RANBP2: variants seen among roughly 807,000 people sequenced by gnomAD.
The protein encoded by RANBP2 is E3 SUMO-protein ligase RanBP2.
RANBP2 carries 57 observed loss-of-function variants against 303.6 expected under a neutral mutation model. The ratio of observed to expected loss-of-function variants is 0.19; its 90% CI spans 0.15 to 0.23. The LOEUF is 0.23. Among genes scored for constraint, RANBP2 ranks in the 10% least tolerant of loss-of-function variants. RANBP2 has a pLI of 1.00. For synonymous variants in RANBP2, 1,167 were observed against 1,301.5 expected, an observed-to-expected ratio of 0.90 and a Z score of 2.23; for missense variants, 3,138 against 3,780.8, an observed-to-expected ratio of 0.83 and a Z score of 4.46.
At chr2:108,799,398 A>T in the RANBP2 span, among the ~76,000 whole-genome samples, 1 of 152,194 alleles carries the variant, frequency 6.6e-6, no homozygotes, top group South Asian at 2.1e-4. Context: ...ACAACCATCA[A>T]CAAGATCAAG....
intron 9 of RANBP2, among the ~76,000 whole-genome samples, chr2:108,750,560 T>TTCTTC (rs1675795915): frequency 1.1e-5 from 1 of 92,850 alleles, no homozygotes. Context: ...ACATAACCTT[T>TTCTTC]TCTTTTCTTT....
chr2:108,767,496 AG>A lies in RANBP2; in HGVS notation c.6958del (p.Val2320LeufsTer38). 1 of 1,611,924 alleles carries A rather than the reference AG, an allele frequency of 6.2e-7. No homozygotes were observed. The highest frequency in any genetic ancestry group is 8.5e-7 in the Non-Finnish European group (1 of 1,179,828). ...FEPVVPLPDLVEVSSGEENEQ... is the reference protein window; with the variant it reads ...FEPVVPLPDLXEVSSGEENEQ... ...AACCTGTTGTTCCTTTACCTGATCT[AG>A]TTGAAGTATCCAGTGGTGAGGAAAA... is the stretch of plus-strand genomic sequence containing the variant. On this transcript the variant is annotated frameshift_variant, in exon 20 of 29. Coordinates refer to ENST00000283195, the MANE Select transcript of RANBP2 (RefSeq NM_006267.5). LOFTEE classifies it high-confidence loss of function.
the RANBP2 span, among the ~76,000 whole-genome samples, chr2:109,505,453 G>T: frequency 6.6e-6 from 1 of 152,152 alleles, no homozygotes; most frequent in Non-Finnish European, 1.5e-5. Flanking sequence ...CAGGAGGATT[G>T]CTTGAGCCCA....
the RANBP2 span, among the ~76,000 whole-genome samples, chr2:109,331,679 T>C: frequency 6.6e-6 from 1 of 151,344 alleles, no homozygotes; most frequent in Non-Finnish European, 1.5e-5. Flanking sequence ...TAGAGATGTT[T>C]TTATCTATTT....
chr2:109,541,596 T>C, the RANBP2 span, among the ~76,000 whole-genome samples: 11 of 152,226 alleles, frequency 7.2e-5, no homozygotes, highest in Non-Finnish European at 1.5e-4. Flanking sequence ...ACCCATTCCT[T>C]AACTGCTTCT....
chr2:108,754,163 G>A (rs550435735), intron 15 of RANBP2, among the ~76,000 whole-genome samples, 192 bp downstream of exon 15: 1 of 152,144 alleles, frequency 6.6e-6, no homozygotes, highest in Admixed American at 6.5e-5. Context: ...TTTTAAACTT[G>A]GGAATCTAGG....
At chr2:108,794,718 G>T in the RANBP2 span, 1 of 1,602,190 alleles carries the variant, frequency 6.2e-7, no homozygotes, top group African/African-American at 1.3e-5. Context: ...ATCTGAAATT[G>T]CAGGTAAGAA....
chr2:109,596,873 A>G, the RANBP2 span, among the ~76,000 whole-genome samples: 1 of 152,234 alleles, frequency 6.6e-6, no homozygotes, highest in Non-Finnish European at 1.5e-5. Flanking sequence ...TTCCACTAGT[A>G]CTACTTGGTC....
the RANBP2 span, among the ~76,000 whole-genome samples, chr2:109,022,084 T>A: frequency 1.3e-5 from 2 of 152,224 alleles, no homozygotes; most frequent in African/African-American, 4.8e-5. Context: ...GCTTGTTATA[T>A]CTGGCAGGCA....
the RANBP2 span, chr2:108,884,727 C>T: frequency 6.6e-6 from 1 of 152,186 alleles, no homozygotes; most frequent in South Asian, 2.1e-4. Context: ...ATAGGACTCT[C>T]AAGCAGCTGC....
chr2:108,849,557 C>T, the RANBP2 span, among the ~76,000 whole-genome samples: 20 of 152,182 alleles, frequency 1.3e-4, no homozygotes, highest in African/African-American at 4.6e-4. Flanking sequence ...TCCCTGCCTT[C>T]ACTCTCTAGT....
chr2:109,738,001 T>C, the RANBP2 span, among the ~76,000 whole-genome samples: 1 of 152,078 alleles, frequency 6.6e-6, no homozygotes, highest in Non-Finnish European at 1.5e-5. Flanking sequence ...AAATGAGTAG[T>C]TTGTAAACAG....
the RANBP2 span, among the ~76,000 whole-genome samples, chr2:108,997,459 A>AAAAAAAAAAG: frequency 8.5e-3 from 1,109 of 131,000 alleles, 20 homozygotes; most frequent in East Asian, 0.022. Context: ...AAAAAAAAAA[A>AAAAAAAAAAG]AAAAGATGAT....
chr2:109,585,071 G>A, the RANBP2 span: 1 of 1,109,330 alleles, frequency 9.0e-7, no homozygotes, highest in Non-Finnish European at 1.3e-6. Context: ...GGGGCTATAA[G>A]GCGAATGTCT....
At chr2:109,147,646 A>G in the RANBP2 span, among the ~76,000 whole-genome samples, 1 of 152,132 alleles carries the variant, frequency 6.6e-6, no homozygotes, top group Non-Finnish European at 1.5e-5. Flanking sequence ...CTTGAAAATG[A>G]TTTATTTGTC....
At chr2:109,689,565 A>G in the RANBP2 span, among the ~76,000 whole-genome samples, 5 of 152,212 alleles carry the variant, frequency 3.3e-5, no homozygotes, top group African/African-American at 9.6e-5. Flanking sequence ...ATTTGCAAGG[A>G]GCTGTAGCAT....
the RANBP2 span, among the ~76,000 whole-genome samples, chr2:108,808,114 G>A: frequency 1.3e-5 from 2 of 152,120 alleles, no homozygotes; most frequent in Non-Finnish European, 2.9e-5. Flanking sequence ...GTGTGGTAAG[G>A]TCTTTCAGGT....
the RANBP2 span, among the ~76,000 whole-genome samples, chr2:109,118,407 C>T: frequency 6.6e-5 from 10 of 151,856 alleles, no homozygotes; most frequent in East Asian, 1.4e-3. Context: ...GCATTAGCTG[C>T]GGGGGTCTGC....
At chr2:109,560,724 A>C in the RANBP2 span, among the ~76,000 whole-genome samples, 2 of 152,092 alleles carry the variant, frequency 1.3e-5, no homozygotes, top group African/African-American at 4.8e-5. Flanking sequence ...ACACACACAA[A>C]AAAGCTAGTC....
Sources: gnomAD v4.1 joint callset for allele counts (sites outside exome capture counted in the v4.1 genomes callset) on GRCh38, gnomAD v4.1.1 for gene constraint, MANE v1.5 for transcripts, NCBI Gene and HGNC (gene_info 2026-07-23, HGNC 2026-07-21) for gene names.